The following DNAH9 variants were observed in gnomAD, a reference collection of about 807,000 sequenced individuals.
DNAH9 encodes the protein dynein axonemal heavy chain 9.
DNAH9 carries 345 observed loss-of-function variants against 471.6 expected under a neutral mutation model. The ratio of observed to expected loss-of-function variants is 0.73; its 90% CI spans 0.67 to 0.80. DNAH9 has a LOEUF of 0.80. Ranked by LOEUF, DNAH9 falls within the 30% of genes least tolerant of loss-of-function variation. DNAH9 has a pLI of 0.00. For synonymous variants in DNAH9, 2,093 were observed against 2,123.6 expected (o/e 0.99, Z 0.40); for missense variants, 5,407 against 5,609.2 (o/e 0.96, Z 1.15).
In DNAH9 at chr17:11,769,295, A is replaced by G. The variant is rs1390904818; in HGVS notation, c.7518A>G (p.Pro2506=). 2 of 1,613,904 alleles carry G rather than the reference A, an allele frequency of 1.2e-6. No individual in the cohort carries two copies. Among genetic ancestry groups the G allele is most frequent in the South Asian group, 2.2e-5 (2 of 91,040 alleles). Residue 2506 remains proline (P), a synonymous_variant, in exon 38 of 69, where the codon CCA becomes CCG. Coordinates refer to ENST00000262442, the MANE Select transcript of DNAH9 (RefSeq NM_001372.4). The stretch of plus-strand genomic sequence containing the variant: ...AGGCATACCTGGTGAAAAACGTGCC[A>G]TTCAACTACTACACCACGTCAGCAA... ...DPEAYLVKNV[P]FNYYTTSAML... is the part of the protein sequence containing the mutation.
At chr17:11,667,447 G>T (rs1490150024) in intron 15 of DNAH9, among the ~76,000 whole-genome samples, 1 of 152,136 alleles carries the variant, frequency 6.6e-6, no homozygotes, top group Non-Finnish European at 1.5e-5. Flanking sequence ...ACTGTCCTGA[G>T]TCCAATAATG....
chr17:11,756,708 T>C (rs763308794), intron 34 of DNAH9, 32 bp downstream of exon 34: 7 of 1,369,248 alleles, frequency 5.1e-6, no homozygotes, highest in South Asian at 4.6e-5. Context: ...ACCACAAAGC[T>C]ACTCCACTTA....
rs766581559 is a variant in DNAH9 at position 11,701,285 on chromosome 17, G to A, written c.5151+38G>A. On this transcript the variant is annotated intron_variant, in intron 24 of 68. Transcript: ENST00000262442. ...TGGGATCCCCATCCTCCATGGTTGGGGCTGTCTTCCTCCGCAGCCTCCCCC... is the reference window on the plus strand; with the variant it reads ...TGGGATCCCCATCCTCCATGGTTGGAGCTGTCTTCCTCCGCAGCCTCCCCC... The A allele has an allele frequency of 3.1e-6, 5 of 1,607,870 alleles. No individual in the cohort carries two copies. In the South Asian group the frequency reaches 4.4e-5, roughly 14 times the overall value.
Position 11,869,247 on chromosome 17 carries a change from C to A in DNAH9, c.10047C>A (p.Asn3349Lys), listed in dbSNP as rs747192728. Residue 3349 changes from asparagine (N) to lysine (K), a missense_variant, in exon 51 of 69, where the codon AAC (asparagine) becomes AAA (lysine). Physicochemically the swap from Asn to Lys is moderately conservative, Grantham distance 94. Transcript: ENST00000262442. ...CCGCAGTCACCATCTCCCTTGCCAA[C>A]CGCCTGGTGAGTGTAAGCCACAGCA... ...EVTAVTISLA[N>K]RLVGGLASEN... 8.1e-6 allele frequency: 13 copies of A among 1,613,476 alleles called. No individual in the cohort carries two copies. The highest frequency in any genetic ancestry group is 1.1e-5 in the South Asian group (1 of 90,974).
At chr17:11,667,503 C>T (rs577011064) in intron 15 of DNAH9, among the ~76,000 whole-genome samples, 8 of 152,232 alleles carry the variant, frequency 5.3e-5, no homozygotes, top group East Asian at 3.9e-4. Context: ...CCTATTCTTA[C>T]GTATTTTGAG....
At chr17:11,791,980 T>C (rs542945933) in intron 41 of DNAH9, among the ~76,000 whole-genome samples, 1 of 152,006 alleles carries the variant, frequency 6.6e-6, no homozygotes, top group African/African-American at 2.4e-5. Flanking sequence ...TGGGAAGTAG[T>C]GGTAAAAGTG....
intron 32 of DNAH9, among the ~76,000 whole-genome samples, chr17:11,748,374 C>T (rs978280244): frequency 6.6e-5 from 10 of 152,074 alleles, no homozygotes; most frequent in African/African-American, 2.4e-4. Context: ...CTGTAGTTCA[C>T]TGACTCTGGA....
At chr17:11,763,345 G>A in intron 35 of DNAH9, 95 bp from the exon 36 acceptor site, 1 of 1,078,286 alleles carries the variant, frequency 9.3e-7, no homozygotes, top group Non-Finnish European at 1.4e-6. Context: ...CGGACCATGA[G>A]TCCACTGAAA....
intron 19 of DNAH9, 92 bp from the exon 20 acceptor site, chr17:11,689,474 A>G (rs1204411428): frequency 5.3e-5 from 57 of 1,080,494 alleles, no homozygotes; most frequent in Middle Eastern, 3.0e-4. Context: ...AACACCAAGC[A>G]TTTAAATATT....
intron 27 of DNAH9, among the ~76,000 whole-genome samples, chr17:11,724,392 C>T (rs931030734): frequency 6.6e-5 from 10 of 152,314 alleles, no homozygotes; most frequent in African/African-American, 2.4e-4. Flanking sequence ...ATGAGATCAA[C>T]TTTTTTAGCT....
intron 19 of DNAH9, among the ~76,000 whole-genome samples, chr17:11,688,121 T>C (rs1597479856): frequency 7.3e-6 from 1 of 137,212 alleles, no homozygotes; most frequent in South Asian, 2.5e-4. Context: ...TCTGCCTACA[T>C]GGGTTCCTTT....
At chr17:11,921,070 G>A (rs779990240) in intron 61 of DNAH9, among the ~76,000 whole-genome samples, 2 of 151,926 alleles carry the variant, frequency 1.3e-5, no homozygotes, top group Non-Finnish European at 2.9e-5. Context: ...GAATCTGAGA[G>A]GTGGAGGCTG....
intron 28 of DNAH9, among the ~76,000 whole-genome samples, chr17:11,738,136 C>T (rs1328655858): frequency 6.6e-6 from 1 of 152,136 alleles, no homozygotes; most frequent in Non-Finnish European, 1.5e-5. Flanking sequence ...TCCATCTCAC[C>T]ATGCTTCTGT....
rs760015665 is a variant in DNAH9, at chr17:11,933,900, C to T, written c.12318C>T (p.Arg4106=). 76 of 1,613,062 alleles carry T rather than the reference C, an allele frequency of 4.7e-5. No homozygotes were observed. The East Asian group carries it at 1.5e-3, about 33-fold the overall frequency. The change falls in exon 65 of 69, where the codon CGC becomes CGT. Residue 4106 remains arginine, a synonymous_variant. Coordinates refer to ENST00000262442, the MANE Select transcript of DNAH9 (RefSeq NM_001372.4). The stretch of plus-strand genomic sequence containing the variant: ...CTCAGGTCCCCTATGATGATTTGCG[C>T]TACCTGTTTGGAGAGATCATGTATG... ...ANAKVPYDDL[R]YLFGEIMYGG...
Position 11,640,327 on chromosome 17 carries a change from A to G in DNAH9, c.1844A>G (p.Gln615Arg). The part of the protein sequence containing the change: ...PTVAGGLRWA[Q>R]ELRQRIQGPF... ...GTGGCTGGCGGCCTCCGCTGGGCAC[A>G]GGAGCTGAGGCAGCGCATCCAGGGT... Residue 615 changes from glutamine to arginine, a missense_variant, in exon 10 of 69, where the codon CAG (glutamine) becomes CGG (arginine). Gln to Arg is a conservative substitution (Grantham distance 43). Around this residue, in one of 3 missense-constraint regions of DNAH9, gnomAD observed 4,636 missense variants for 4,900.3 expected, o/e 0.95. Coordinates refer to ENST00000262442, the MANE Select transcript of DNAH9 (RefSeq NM_001372.4). 1 of 1,614,130 alleles carries G rather than the reference A, an allele frequency of 6.2e-7. No homozygotes were observed. Among genetic ancestry groups the G allele is most frequent in the South Asian group, 1.1e-5 (1 of 91,078 alleles).
At chr17:11,600,651 A>T (rs1278919532) in intron 1 of DNAH9, among the ~76,000 whole-genome samples, 2 of 152,112 alleles carry the variant, frequency 1.3e-5, no homozygotes, top group Non-Finnish European at 2.9e-5. Context: ...ACTGATATGG[A>T]ATATTCCTTT....
chr17:11,742,046 T>C (rs952845157), intron 29 of DNAH9, 129 bp from the exon 30 acceptor site: 11 of 741,038 alleles, frequency 1.5e-5, no homozygotes, highest in Middle Eastern at 7.3e-4. Context: ...ATGGCTCAGG[T>C]CTTTCCATGA....
At chr17:11,652,280 C>CTT (rs11450398) in intron 13 of DNAH9, among the ~76,000 whole-genome samples, 18,281 of 79,072 alleles carry the variant, frequency 0.23, 4,146 homozygotes, top group South Asian at 0.29. Context: ...TAAGGGTAGG[C>CTT]TTTTTTTTTT....
At position 11,762,758 on chromosome 17, in the gene DNAH9, G is replaced by GTTTTTTTTTTTTTTTTTTTTTT. The variant is rs111963634; in HGVS notation, c.6996-671_6996-670insTTTTTTTTTTTTTTTTTTTTTT. ...GCACCAAAATTGCCTCTTTAGGTGC[G>GTTTTTTTTTTTTTTTTTTTTTT]TTTTTTTTTTTGTTTTTTTTTTTTT... is the stretch of plus-strand genomic sequence containing the variant. On this transcript the variant is annotated intron_variant, in intron 35 of 68. Coordinates refer to ENST00000262442, the MANE Select transcript of DNAH9 (RefSeq NM_001372.4). 9.5e-5 allele frequency among the ~76,000 whole-genome samples: 9 copies of GTTTTTTTTTTTTTTTTTTTTTT among 94,766 alleles called. 1 individual carries two copies. Among genetic ancestry groups the GTTTTTTTTTTTTTTTTTTTTTT allele is most frequent in the East Asian group, 3.0e-4 (1 of 3,356 alleles). The allele number at this position is 94,766 out of a possible 152,430, so 62.2% of individuals were successfully genotyped here. A position where few individuals can be genotyped will look rare whatever the true frequency, so the allele number is the denominator to read the frequency against.
Sources: gnomAD v4.1 joint callset for allele counts (sites outside exome capture counted in the v4.1 genomes callset) on GRCh38, gnomAD v4.1.1 for gene constraint, gnomAD v4.1.1 regional missense constraint, MANE v1.5 for transcripts, NCBI Gene and HGNC (gene_info 2026-07-23, HGNC 2026-07-21) for gene names.